SGCZ: variants seen among roughly 807,000 people sequenced by gnomAD.
SGCZ encodes the protein sarcoglycan zeta, also known as zeta-sarcoglycan.
In SGCZ, 40 loss-of-function variants were observed where a neutral mutation model predicts 41.3. The ratio of observed to expected loss-of-function variants is 0.97; its 90% CI spans 0.75 to 1.26. SGCZ has a LOEUF of 1.26. SGCZ is among the 50% of genes most tolerant of loss of function. SGCZ has a pLI of 0.00. For synonymous variants in SGCZ, 206 were observed against 137.5 expected, an observed-to-expected ratio of 1.50 and a Z score of -3.49; for missense variants, 552 against 369.8, an observed-to-expected ratio of 1.49 and a Z score of -4.04.
chr8:14,447,388 AC>A (rs1303446543), intron 2 of SGCZ, among the ~76,000 whole-genome samples: 2 of 152,154 alleles, frequency 1.3e-5, no homozygotes, highest in African/African-American at 4.8e-5. Context: ...AAAAAATTCA[AC>A]TTAATCTTTC....
rs151175502 is a variant in SGCZ, at chr8:14,640,041, G to A, written c.40-85115C>T. 1.0e-3 allele frequency among the ~76,000 whole-genome samples: 155 copies of A among 151,752 alleles called. 1 individual carries two copies. The highest frequency in any genetic ancestry group is 1.3e-3 in the Non-Finnish European group (86 of 67,764). Reference sequence around the variant, plus strand: ...ATACGTATTTATGCATTAGCTTTAAGTTTTTCTTAATAAAAGTCTTCTATT... The same window carrying A: ...ATACGTATTTATGCATTAGCTTTAAATTTTTCTTAATAAAAGTCTTCTATT... On this transcript the variant is annotated intron_variant, in intron 1 of 7. Coordinates refer to ENST00000382080, the MANE Select transcript of SGCZ (RefSeq NM_139167.4).
At chr8:14,452,434 G>A (rs1444103777) in intron 2 of SGCZ, among the ~76,000 whole-genome samples, 4 of 151,930 alleles carry the variant, frequency 2.6e-5, no homozygotes, top group Middle Eastern at 3.2e-3. Flanking sequence ...TTCCAAGAGT[G>A]AATATTAATG....
intron 4 of SGCZ, among the ~76,000 whole-genome samples, chr8:14,197,561 A>T (rs73526184): frequency 0.014 from 2,059 of 152,214 alleles, 63 homozygotes; most frequent in African/African-American, 0.048. Context: ...AAAAAAAACA[A>T]ATAATTATCT....
intron 1 of SGCZ, among the ~76,000 whole-genome samples, chr8:14,916,034 C>A (rs10503521): frequency 0.056 from 8,550 of 152,158 alleles, 294 homozygotes; most frequent in Admixed American, 0.079. Context: ...AGAGTGACAA[C>A]TGAAACACGA....
At chr8:14,402,902 T>C (rs1799116707) in intron 2 of SGCZ, among the ~76,000 whole-genome samples, 1 of 150,002 alleles carries the variant, frequency 6.7e-6, no homozygotes, top group Admixed American at 6.6e-5. Context: ...TTCACGATAT[T>C]GATTCTTCCT....
intron 1 of SGCZ, among the ~76,000 whole-genome samples, chr8:15,192,358 C>T (rs1026648067): frequency 6.6e-6 from 1 of 152,038 alleles, no homozygotes; most frequent in Non-Finnish European, 1.5e-5. Flanking sequence ...TCTTAAAATA[C>T]ACCTGAATTT....
At chr8:14,652,937 C>T (rs923455853) in intron 1 of SGCZ, among the ~76,000 whole-genome samples, 16 of 151,948 alleles carry the variant, frequency 1.1e-4, no homozygotes, top group African/African-American at 2.4e-4. Flanking sequence ...AATTATCATA[C>T]AAAAATTTTG....
At chr8:14,444,126 T>A (rs546573674) in intron 2 of SGCZ, among the ~76,000 whole-genome samples, 3,862 of 151,550 alleles carry the variant, frequency 0.025, 75 homozygotes, top group South Asian at 0.034. Context: ...CATCTCACAC[T>A]AGTTAGAATG....
rs1157776054 is a variant in SGCZ at position 14,182,035 on chromosome 8, A to G, written c.425-17333T>C. Among the ~76,000 whole-genome samples, 3 of 152,298 alleles carry G rather than the reference A, an allele frequency of 2.0e-5. No homozygotes were observed. In the East Asian group the frequency reaches 5.8e-4, roughly 29 times the overall value. On this transcript the variant is annotated intron_variant, in intron 4 of 7. Coordinates refer to ENST00000382080, the MANE Select transcript of SGCZ (RefSeq NM_139167.4). The stretch of plus-strand genomic sequence containing the variant: ...TGTTTTACTAGCAGGCATCATAAAT[A>G]TAGTTAGTTTCTCCTTTGCATGCTG...
At chr8:14,486,217 C>G (rs1801669969) in intron 2 of SGCZ, among the ~76,000 whole-genome samples, 1 of 152,166 alleles carries the variant, frequency 6.6e-6, no homozygotes, top group African/African-American at 2.4e-5. Context: ...CTTGCCTACA[C>G]TTCCTCTCCC....
intron 1 of SGCZ, among the ~76,000 whole-genome samples, chr8:15,001,813 T>G (rs1243989266): frequency 1.3e-5 from 2 of 151,632 alleles, no homozygotes; most frequent in African/African-American, 4.8e-5. Flanking sequence ...ATGAAATGCA[T>G]GCCATTATTA....
chr8:14,332,279 A>G (rs1243394835), intron 2 of SGCZ, among the ~76,000 whole-genome samples: 1 of 151,942 alleles, frequency 6.6e-6, no homozygotes, highest in Admixed American at 6.6e-5. Flanking sequence ...ACTAAAAATA[A>G]AATACAAAAA....
chr8:14,763,211 A>T (rs1799943672), intron 1 of SGCZ, among the ~76,000 whole-genome samples: 1 of 152,120 alleles, frequency 6.6e-6, no homozygotes. Context: ...GAAATCCCTG[A>T]GATTTCCCTT....
At chr8:15,115,785 G>A (rs2116939025) in intron 1 of SGCZ, among the ~76,000 whole-genome samples, 1 of 152,360 alleles carries the variant, frequency 6.6e-6, no homozygotes, top group East Asian at 1.9e-4. Context: ...CATGTACAAT[G>A]TGTAAGAAGG....
chr8:14,266,593 A>G (rs1266771760), intron 3 of SGCZ, among the ~76,000 whole-genome samples: 1 of 152,138 alleles, frequency 6.6e-6, no homozygotes, highest in Non-Finnish European at 1.5e-5. Context: ...GTTTATTTCT[A>G]GACAACATGT....
At chr8:14,227,907 C>T (rs1585253334) in intron 4 of SGCZ, among the ~76,000 whole-genome samples, 1 of 151,960 alleles carries the variant, frequency 6.6e-6, no homozygotes, top group Non-Finnish European at 1.5e-5. Flanking sequence ...GTTAACAGAC[C>T]TAGATCATAA....
intron 1 of SGCZ, among the ~76,000 whole-genome samples, chr8:14,894,169 G>A (rs912143331): frequency 6.6e-6 from 1 of 152,032 alleles, no homozygotes; most frequent in African/African-American, 2.4e-5. Flanking sequence ...TACAGAAGAT[G>A]TGCAACTGCC....
intron 3 of SGCZ, among the ~76,000 whole-genome samples, chr8:14,259,159 T>A (rs1209447756): frequency 6.6e-6 from 1 of 152,220 alleles, no homozygotes; most frequent in African/African-American, 2.4e-5. Flanking sequence ...AATTTTCAAT[T>A]TGTTATGAAG....
chr8:14,090,588 G>T lies in SGCZ; in HGVS notation c.794C>A (p.Ser265Tyr). Residue 265 changes from serine to tyrosine, a missense_variant, in exon 8 of 8, where the codon TCC becomes TAC. Ser to Tyr is a moderately radical substitution (Grantham distance 144). Coordinates refer to ENST00000382080, the MANE Select transcript of SGCZ (RefSeq NM_139167.4). ...GGAGCTGGGTGAAGAAGATGAGAAG[G>T]AGCCAGTTGGTAGATTTCCCAGCTT... is the stretch of plus-strand genomic sequence containing the variant. Reference protein sequence around the residue: ...TIKLGNLPTGSFSSSSPSSSS... With the variant: ...TIKLGNLPTGYFSSSSPSSSS... 1 of 1,612,706 alleles carries T rather than the reference G, an allele frequency of 6.2e-7. No individual in the cohort carries two copies. The highest frequency in any genetic ancestry group is 8.5e-7 in the Non-Finnish European group (1 of 1,179,342).
Sources: gnomAD v4.1 joint callset for allele counts (sites outside exome capture counted in the v4.1 genomes callset) on GRCh38, gnomAD v4.1.1 for gene constraint, MANE v1.5 for transcripts, NCBI Gene and HGNC (gene_info 2026-07-23, HGNC 2026-07-21) for gene names.